PCDH7: variants seen among roughly 807,000 people sequenced by gnomAD.
PCDH7 encodes the protein protocadherin 7, also known as protocadherin-7.
Under a neutral mutation model 58.9 loss-of-function variants are expected in PCDH7, and 17 were observed. That is an observed-to-expected ratio of 0.29 (90% CI 0.20 to 0.43). The LOEUF is 0.43. PCDH7 is among the 20% of genes least tolerant of loss of function. The pLI is 1.00. For missense variants in PCDH7, 1,274 were observed against 1,441.0 expected (o/e 0.88, Z 1.88); for synonymous variants, 664 against 616.4 (o/e 1.08, Z -1.14).
chr4:31,064,833 G>A (rs576025283), intron 3 of PCDH7, among the ~76,000 whole-genome samples: 5 of 151,818 alleles, frequency 3.3e-5, no homozygotes, highest in South Asian at 2.1e-4. Flanking sequence ...TTATCTTTTT[G>A]GGGACACAAG....
At chr4:30,753,727 AATGAAGAAGAC>A (rs1718879973) in intron 1 of PCDH7, among the ~76,000 whole-genome samples, 1 of 152,186 alleles carries the variant, frequency 6.6e-6, no homozygotes, top group Admixed American at 6.5e-5. Context: ...TCTAATTTTG[AATGAAGAAGAC>A]ATAAACATTT....
intron 1 of PCDH7, among the ~76,000 whole-genome samples, chr4:30,826,937 A>C (rs1271510791): frequency 6.6e-6 from 1 of 152,126 alleles, no homozygotes; most frequent in East Asian, 1.9e-4. Context: ...CATGCTGCCC[A>C]GGCTAGGAAT....
chr4:30,984,878 A>G (rs1750840406), intron 3 of PCDH7, among the ~76,000 whole-genome samples: 1 of 152,184 alleles, frequency 6.6e-6, no homozygotes, highest in African/African-American at 2.4e-5. Flanking sequence ...AATTTTAGTT[A>G]CATTTGTTTT....
intron 1 of PCDH7, among the ~76,000 whole-genome samples, chr4:30,750,026 T>A (rs908290971): frequency 6.6e-6 from 1 of 152,140 alleles, no homozygotes; most frequent in Non-Finnish European, 1.5e-5. Context: ...GGTATTTATA[T>A]CTAGTGGGTA....
chr4:30,820,943 T>G (rs1728296540), intron 1 of PCDH7, among the ~76,000 whole-genome samples: 1 of 152,148 alleles, frequency 6.6e-6, no homozygotes, highest in African/African-American at 2.4e-5. Flanking sequence ...ATAATGGAAT[T>G]ATTTTTCTGT....
At chr4:30,864,468 C>CAT (rs1553903192) in intron 1 of PCDH7, among the ~76,000 whole-genome samples, 18 of 144,064 alleles carry the variant, frequency 1.2e-4, no homozygotes, top group African/African-American at 4.6e-4. Flanking sequence ...CACACACACA[C>CAT]ATTTTTTGTT....
At chr4:31,045,634 G>A (rs1482595976) in intron 3 of PCDH7, among the ~76,000 whole-genome samples, 2 of 151,898 alleles carry the variant, frequency 1.3e-5, no homozygotes, top group Non-Finnish European at 2.9e-5. Context: ...ATTTTTGGTT[G>A]AAATTCTTAG....
chr4:30,768,807 C>T (rs1375509586), intron 1 of PCDH7, among the ~76,000 whole-genome samples: 1 of 152,082 alleles, frequency 6.6e-6, no homozygotes, highest in Non-Finnish European at 1.5e-5. Context: ...TGTTCAGCTA[C>T]ACAAAAAGTA....
intron 1 of PCDH7, among the ~76,000 whole-genome samples, chr4:30,880,626 T>C (rs1349884616): frequency 6.6e-6 from 1 of 152,208 alleles, no homozygotes. Context: ...TCTTCTTGCC[T>C]ATTTATTTCC....
rs1397910742 is a variant in PCDH7, at chr4:30,723,330, C to A, written c.1908C>A (p.Asp636Glu). 5 of 1,614,084 alleles carry A rather than the reference C, an allele frequency of 3.1e-6. No individual in the cohort carries two copies. Among genetic ancestry groups the A allele is most frequent in the Non-Finnish European group, 3.4e-6 (4 of 1,180,052 alleles). The change falls in exon 1 of 2, where the codon GAC becomes GAA. Residue 636 changes from aspartate (D) to glutamate (E), a missense_variant. By Grantham distance (45) the Asp-to-Glu change is conservative (BLOSUM62 2). Coordinates refer to ENST00000361762, the Ensembl canonical transcript of PCDH7. This position sits in a 1 kb window ranked among gnomAD's most constrained non-coding sequence, Gnocchi z 4.6. Reference sequence around the variant, plus strand: ...AGGTGGCTGATAAAAATGACAATGACCCTAAGTTTATGCAGGACGTCTTCA... The same window carrying A: ...AGGTGGCTGATAAAAATGACAATGAACCTAAGTTTATGCAGGACGTCTTCA...
Position 30,806,881 on chromosome 4 carries a change from G to C in PCDH7, c.70+82285G>C, listed in dbSNP as rs140614431. ...GAAAACAATAAAAGAATCTATTGTA[G>C]AGTGTCACTTGTTTTACCTGATTAT... On this transcript the variant is annotated intron_variant, in intron 1 of 3. Coordinates refer to the PCDH7 transcript ENST00000509759. Among the ~76,000 whole-genome samples the C allele has an allele frequency of 3.8e-3, 572 of 152,028 alleles. 3 individuals are homozygous for C. The highest frequency in any genetic ancestry group is 0.012 in the African/African-American group (481 of 41,476).
intron 3 of PCDH7, among the ~76,000 whole-genome samples, chr4:31,107,175 T>G (rs1214858180): frequency 6.6e-6 from 1 of 152,174 alleles, no homozygotes; most frequent in African/African-American, 2.4e-5. Flanking sequence ...TCTGATAAAA[T>G]TACCCACGAA....
intron 3 of PCDH7, among the ~76,000 whole-genome samples, chr4:31,056,891 A>C (rs2109231543): frequency 6.6e-6 from 1 of 152,236 alleles, no homozygotes; most frequent in Admixed American, 6.5e-5. Flanking sequence ...ACATTTTCTT[A>C]AATAGTCATC....
intron 3 of PCDH7, among the ~76,000 whole-genome samples, chr4:31,008,725 G>C (rs1329144601): frequency 6.6e-6 from 1 of 151,952 alleles, no homozygotes; most frequent in African/African-American, 2.4e-5. Context: ...CCCACAGATT[G>C]CCTGCCATGT....
chr4:31,142,348 G>A, intron 3 of PCDH7, 125 bp from the exon 3 acceptor site: 1 of 877,540 alleles, frequency 1.1e-6, no homozygotes, highest in Non-Finnish European at 1.6e-6. Flanking sequence ...TGAGCTAGAG[G>A]GTGTTGGGAA....
rs200813469 is a variant in PCDH7 at position 30,885,634 on chromosome 4, A to G, written c.71-34519A>G. On this transcript the variant is annotated intron_variant, in intron 1 of 3. Transcript: ENST00000509759. ...TGGAAAAAACTACTTTAAAGTTCAT[A>G]TGGAACCAAAAAAGAGCCTGCATCG... 2.0e-5 allele frequency among the ~76,000 whole-genome samples: 3 copies of G among 152,134 alleles called. No homozygotes were observed. In the East Asian group the frequency reaches 5.8e-4, roughly 29 times the overall value.
At chr4:30,884,297 A>G (rs1038843417) in intron 1 of PCDH7, 6 of 152,114 alleles carry the variant, frequency 3.9e-5, no homozygotes, top group Admixed American at 3.9e-4. Context: ...GCACAAGGTT[A>G]TGGTCCCAGA....
chr4:31,068,138 G>A (rs887369786), intron 3 of PCDH7, among the ~76,000 whole-genome samples: 1 of 151,556 alleles, frequency 6.6e-6, no homozygotes, highest in African/African-American at 2.4e-5. Context: ...AAATTTTTTT[G>A]CAACATTTAA....
chr4:30,962,799 A>C (rs1391435423), intron 3 of PCDH7, among the ~76,000 whole-genome samples: 5 of 151,480 alleles, frequency 3.3e-5, no homozygotes, highest in East Asian at 1.9e-4. Context: ...AAAAAAAAAA[A>C]AAAAAACAGT....
Sources: allele counts gnomAD v4.1 joint callset (sites outside exome capture counted in the v4.1 genomes callset), GRCh38; gene constraint gnomAD v4.1.1; non-coding constraint Gnocchi (gnomAD v3.1); transcripts MANE v1.5; gene names NCBI Gene and HGNC (gene_info 2026-07-23, HGNC 2026-07-21).